MED27: variants seen among roughly 807,000 people sequenced by gnomAD.
MED27 encodes mediator of RNA polymerase II transcription subunit 27.
MED27 carries 30 observed loss-of-function variants against 38.2 expected under a neutral mutation model. The observed-to-expected ratio is 0.79, with a 90% CI of 0.59 to 1.07. The LOEUF is 1.07. Ranked by LOEUF, MED27 falls within the 50% of genes least tolerant of loss-of-function variation. The pLI is 0.00. For missense variants in MED27, 289 were observed against 397.5 expected, an observed-to-expected ratio of 0.73 and a Z score of 2.32; for synonymous variants, 122 against 153.5, an observed-to-expected ratio of 0.79 and a Z score of 1.52.
chr9:131,983,804 T>C (rs1831791219), intron 3 of MED27, among the ~76,000 whole-genome samples: 1 of 152,186 alleles, frequency 6.6e-6, no homozygotes, highest in Non-Finnish European at 1.5e-5. Flanking sequence ...TCTTAATAAT[T>C]GAAATTAGCA....
chr9:131,926,286 G>A lies in MED27; in HGVS notation c.573+13095C>T, dbSNP rs530996079. On this transcript the variant is annotated intron_variant, in intron 4 of 7. Coordinates refer to ENST00000292035, the MANE Select transcript of MED27 (RefSeq NM_004269.4). ...GAGTATTTACTGAATAAATATGAAC[G>A]CCTTAGTAGCATATCTCATAAGCCA... Among the ~76,000 whole-genome samples, 68 of 152,078 alleles carry A rather than the reference G, an allele frequency of 4.5e-4. 2 individuals are homozygous for A. In the South Asian group the frequency reaches 6.6e-3, roughly 15 times the overall value.
chr9:131,884,191 A>T (rs1265731275), intron 5 of MED27, 92 bp from the exon 6 acceptor site: 4 of 941,388 alleles, frequency 4.2e-6, no homozygotes, highest in Non-Finnish European at 6.2e-6. Context: ...CCCTTCTTAA[A>T]CTTGAAAAAA....
At chr9:131,907,369 C>T (rs1034425399) in intron 4 of MED27, among the ~76,000 whole-genome samples, 5 of 152,174 alleles carry the variant, frequency 3.3e-5, no homozygotes, top group South Asian at 2.1e-4. Flanking sequence ...AGGCACGCGC[C>T]GCCACGCCTG....
At chr9:132,041,541 C>T (rs1263057246) in intron 2 of MED27, among the ~76,000 whole-genome samples, 2 of 152,236 alleles carry the variant, frequency 1.3e-5, no homozygotes, top group African/African-American at 4.8e-5. Flanking sequence ...TCAGTCGCTC[C>T]CCATCTTCCT....
chr9:131,951,721 T>C (rs1427769901), intron 3 of MED27, among the ~76,000 whole-genome samples: 1 of 152,274 alleles, frequency 6.6e-6, no homozygotes, highest in Non-Finnish European at 1.5e-5. Context: ...GTATTAGCTG[T>C]TCCTTTTATG....
At chr9:132,020,366 C>G (rs1417714862) in intron 2 of MED27, among the ~76,000 whole-genome samples, 4 of 152,196 alleles carry the variant, frequency 2.6e-5, no homozygotes, top group Non-Finnish European at 5.9e-5. Flanking sequence ...CCAAAGCCCA[C>G]AGCCACAACC....
intron 2 of MED27, among the ~76,000 whole-genome samples, chr9:132,028,800 C>G (rs189066632): frequency 2.0e-4 from 31 of 152,268 alleles, no homozygotes; most frequent in African/African-American, 6.5e-4. Flanking sequence ...GTGCAGATTC[C>G]AGGGGCCCAC....
chr9:131,961,660 G>C (rs1298316159), intron 3 of MED27, among the ~76,000 whole-genome samples: 1 of 152,238 alleles, frequency 6.6e-6, no homozygotes, highest in South Asian at 2.1e-4. Flanking sequence ...GCACAGGACA[G>C]AACCGCTGCT....
intron 3 of MED27, among the ~76,000 whole-genome samples, chr9:132,007,153 G>A (rs924039026): frequency 6.6e-6 from 1 of 152,158 alleles, no homozygotes; most frequent in Admixed American, 6.5e-5. Context: ...GTTACCTCCT[G>A]AATGGGTGGC....
intron 3 of MED27, among the ~76,000 whole-genome samples, chr9:131,958,827 C>G (rs1831156332): frequency 6.6e-6 from 1 of 152,138 alleles, no homozygotes; most frequent in African/African-American, 2.4e-5. Flanking sequence ...ACAGCTACGA[C>G]CTGGGTGAAA....
chr9:132,030,376 A>G (rs1832931245), intron 2 of MED27, among the ~76,000 whole-genome samples: 1 of 152,364 alleles, frequency 6.6e-6, no homozygotes, highest in South Asian at 2.1e-4. Context: ...CAGAAAAGCT[A>G]ACTGCTGAGA....
At chr9:131,993,950 G>C (rs1415904716) in intron 3 of MED27, among the ~76,000 whole-genome samples, 1 of 152,142 alleles carries the variant, frequency 6.6e-6, no homozygotes, top group Non-Finnish European at 1.5e-5. Context: ...TCCTGTCCAG[G>C]GTTGGTTTCT....
rs1231013887 is a variant in MED27, at chr9:131,883,696, A to T, written c.723+362T>A. ...AAAACCTATGGTTTTCCTAAGGTAT[A>T]ATTTACATACAATATGACTGCCCCT... On this transcript the variant is annotated intron_variant, in intron 6 of 7. Transcript: ENST00000292035. This position sits in a 1 kb window ranked among gnomAD's most constrained non-coding sequence, Gnocchi z 4.2. 1.3e-5 allele frequency among the ~76,000 whole-genome samples: 2 copies of T among 152,154 alleles called. No homozygotes were observed. The highest frequency in any genetic ancestry group is 2.9e-5 in the Non-Finnish European group (2 of 68,030).
chr9:132,027,176 T>A (rs1039443367), intron 2 of MED27, among the ~76,000 whole-genome samples: 3 of 152,234 alleles, frequency 2.0e-5, no homozygotes, highest in Non-Finnish European at 2.9e-5. Context: ...ATCTAACGAC[T>A]GCTCTTATTA....
intron 3 of MED27, among the ~76,000 whole-genome samples, chr9:131,944,975 C>T (rs1027473912): frequency 1.3e-5 from 2 of 151,688 alleles, no homozygotes; most frequent in Non-Finnish European, 2.9e-5. Context: ...AGCATCCCTG[C>T]TTTAGCCCTG....
At chr9:132,028,068 T>G (rs1428040184) in intron 2 of MED27, among the ~76,000 whole-genome samples, 1 of 152,096 alleles carries the variant, frequency 6.6e-6, no homozygotes, top group Admixed American at 6.5e-5. Flanking sequence ...CCCCAGCTCC[T>G]CCTTCCACCT....
chr9:131,903,358 A>G (rs946456695), intron 4 of MED27, among the ~76,000 whole-genome samples: 3 of 152,150 alleles, frequency 2.0e-5, no homozygotes, highest in Non-Finnish European at 4.4e-5. Flanking sequence ...CCATGATTCA[A>G]TCATCTTCCA....
intron 4 of MED27, among the ~76,000 whole-genome samples, chr9:131,919,811 C>CTTT (rs34501268): frequency 3.8e-4 from 54 of 141,714 alleles, no homozygotes; most frequent in African/African-American, 6.0e-4. Flanking sequence ...ATTCTTCTTC[C>CTTT]TTTTTTTTTT....
intron 4 of MED27, among the ~76,000 whole-genome samples, chr9:131,926,723 G>A (rs1364674621): frequency 6.6e-6 from 1 of 152,168 alleles, no homozygotes; most frequent in East Asian, 1.9e-4. Context: ...AGTACAATGA[G>A]ATAATGTTAG....
Sources: gnomAD v4.1 joint callset for allele counts (sites outside exome capture counted in the v4.1 genomes callset) on GRCh38, gnomAD v4.1.1 for gene constraint, Gnocchi (gnomAD v3.1) non-coding constraint, MANE v1.5 for transcripts, NCBI Gene and HGNC (gene_info 2026-07-23, HGNC 2026-07-21) for gene names.